Variants in DHX57 observed in about 807,000 individuals in gnomAD.
DHX57 encodes the protein putative ATP-dependent RNA helicase DHX57.
A neutral mutation model predicts 156.2 loss-of-function variants in DHX57; 105 were observed. The ratio of observed to expected loss-of-function variants is 0.67; its 90% CI spans 0.57 to 0.79. The LOEUF (loss-of-function observed/expected upper bound fraction) is 0.79, where lower values mean the gene tolerates loss of function less well. DHX57 is among the 30% of genes least tolerant of loss of function. The pLI is 0.00. For synonymous variants in DHX57, 704 were observed against 595.6 expected (o/e 1.18, Z -2.65); for missense variants, 1,847 against 1,661.9 (o/e 1.11, Z -1.94).
At chr2:38,835,824 A>C (rs1671624624) in intron 13 of DHX57, among the ~76,000 whole-genome samples, 1 of 152,230 alleles carries the variant, frequency 6.6e-6, no homozygotes. Context: ...ATGACCTCAC[A>C]GGATTTATAA....
At chr2:38,822,536 T>A (rs1444457079) in intron 17 of DHX57, among the ~76,000 whole-genome samples, 2 of 151,906 alleles carry the variant, frequency 1.3e-5, no homozygotes, top group African/African-American at 4.8e-5. Context: ...TGGGACTACA[T>A]GTGCACATCA....
At chr2:38,815,457 C>T in intron 20 of DHX57, 64 bp downstream of exon 20, 8 of 1,599,730 alleles carry the variant, frequency 5.0e-6, no homozygotes, top group Middle Eastern at 1.7e-4. Context: ...ACAAGTGTTC[C>T]CAGGTTAAGA....
Position 38,812,582 on chromosome 2 carries a change from G to A in DHX57, c.3681+1239C>T, listed in dbSNP as rs115305403. Among the ~76,000 whole-genome samples the A allele has an allele frequency of 2.8e-3, 424 of 152,320 alleles. 3 individuals are homozygous for A. Among genetic ancestry groups the A allele is most frequent in the African/African-American group, 9.7e-3 (403 of 41,560 alleles). ...GAGTTTCGCTCTAGTCGCCTAGGCT[G>A]GAGTGCAATGGTATGATCTCGCCTC... On this transcript the variant is annotated intron_variant, in intron 21 of 23. Coordinates refer to ENST00000457308, the MANE Select transcript of DHX57 (RefSeq NM_198963.3).
intron 17 of DHX57, among the ~76,000 whole-genome samples, chr2:38,819,581 GCTAA>G (rs1670714341): frequency 6.6e-6 from 1 of 152,210 alleles, no homozygotes. Context: ...CAGTGGGTCA[GCTAA>G]TGAAAGGCAA....
Position 38,826,593 on chromosome 2 carries a change from G to T in DHX57, c.2736C>A (p.Ser912=). 6.2e-7 allele frequency: 1 copy of T among 1,614,084 alleles called. No individual in the cohort carries two copies. The highest frequency in any genetic ancestry group is 8.5e-7 in the Non-Finnish European group (1 of 1,180,010). The part of the protein sequence containing the change: ...PPAGVTKIII[S]TNIAETSITI... ...TTATGGATGTCTCAGCAATGTTGGT[G>T]GAAATTATAATCTTAGTTACTCCTG... The change falls in exon 15 of 24, where the codon TCC becomes TCA. Residue 912 remains serine (S), a synonymous_variant. Coordinates refer to ENST00000457308, the MANE Select transcript of DHX57 (RefSeq NM_198963.3).
intron 21 of DHX57, among the ~76,000 whole-genome samples, chr2:38,807,492 G>C (rs529540043): frequency 3.8e-4 from 57 of 151,922 alleles, no homozygotes; most frequent in Middle Eastern, 3.4e-3. Context: ...CTAGTAGCTG[G>C]GACTACAGGC....
intron 6 of DHX57, among the ~76,000 whole-genome samples, chr2:38,857,471 A>G (rs1335643933): frequency 6.6e-6 from 1 of 152,220 alleles, no homozygotes; most frequent in East Asian, 1.9e-4. Flanking sequence ...TAAACTTATC[A>G]CACTGATCAA....
Position 38,828,404 on chromosome 2 carries a change from C to T in DHX57, c.2575G>A (p.Glu859Lys). Residue 859 changes from glutamate (E) to lysine (K), a missense_variant, in exon 14 of 24, where the codon GAA becomes AAA. Coordinates refer to ENST00000457308, the MANE Select transcript of DHX57 (RefSeq NM_198963.3). ...AGCTGTTCATAAAGCATTTTGATTT[C>T]TGCTAGTCCTGGTAAAAATACAAGT... ...AILVFLPGLA[E>K]IKMLYEQLQS... The T allele has an allele frequency of 6.2e-7, 1 of 1,613,370 alleles. No homozygotes were observed. Among genetic ancestry groups the T allele is most frequent in the Non-Finnish European group, 8.5e-7 (1 of 1,179,680 alleles).
chr2:38,871,738 A>T (rs1157113949), intron 1 of DHX57, among the ~76,000 whole-genome samples: 3 of 144,196 alleles, frequency 2.1e-5, no homozygotes, highest in Non-Finnish European at 4.5e-5. Context: ...AGACAGTCTC[A>T]CTCTGTTGCC....
chr2:38,817,497 A>T (rs1670605093), intron 19 of DHX57, among the ~76,000 whole-genome samples: 1 of 146,342 alleles, frequency 6.8e-6, no homozygotes, highest in Non-Finnish European at 1.5e-5. Context: ...TGTATTTTTA[A>T]TAGAGATGGA....
chr2:38,841,885 C>T (rs1450298612), intron 12 of DHX57, among the ~76,000 whole-genome samples: 2 of 152,144 alleles, frequency 1.3e-5, no homozygotes, highest in East Asian at 1.9e-4. Flanking sequence ...ACATAAAAAG[C>T]TCAGCACAGG....
At position 38,815,613 on chromosome 2, in the gene DHX57, C is replaced by T. The variant is rs1670504000; in HGVS notation, c.3514G>A (p.Asp1172Asn). Residue 1172 changes from aspartate to asparagine, a missense_variant, in exon 20 of 24, where the codon GAT (aspartate) becomes AAT (asparagine). By Grantham distance (23) the Asp-to-Asn change is conservative. Coordinates refer to ENST00000457308, the MANE Select transcript of DHX57 (RefSeq NM_198963.3). ...AGCCCTTCCCTTGCAAACCCTATAT[C>T]CGATAACAGTTCCGTGAATTGTCGT... ...LKRQFTELLS[D>N]IGFAREGLRA... 1 of 1,614,156 alleles carries T rather than the reference C, an allele frequency of 6.2e-7. No homozygotes were observed. The highest frequency in any genetic ancestry group is 2.2e-5 in the East Asian group (1 of 44,882).
At position 38,848,295 on chromosome 2, in the gene DHX57, T is replaced by A. The variant is rs1262810702; in HGVS notation, c.2138A>T (p.Asn713Ile). The change falls in exon 10 of 24, where the codon AAT (asparagine) becomes ATT (isoleucine). Residue 713 changes from asparagine (N) to isoleucine (I), a missense_variant. By Grantham distance (149) the Asn-to-Ile change is moderately radical (BLOSUM62 -3). Transcript: ENST00000457308. ...TGGTATAGTAATAACGGGGCAGGAA[T>A]TAAAATAGTCTGAAAAAAGCTCAGC... ...LNAELFSDYF[N>I]SCPVITIPGR... 1 of 1,607,126 alleles carries A rather than the reference T, an allele frequency of 6.2e-7. No individual in the cohort carries two copies. Among genetic ancestry groups the A allele is most frequent in the African/African-American group, 1.3e-5 (1 of 74,658 alleles).
intron 13 of DHX57, among the ~76,000 whole-genome samples, chr2:38,832,665 C>G (rs1460922249): frequency 6.6e-6 from 1 of 151,566 alleles, no homozygotes; most frequent in African/African-American, 2.4e-5. Flanking sequence ...CCTGCCTCAG[C>G]CTCCCAAGTA....
intron 13 of DHX57, among the ~76,000 whole-genome samples, chr2:38,829,413 C>G (rs777078974): frequency 1.3e-5 from 2 of 151,990 alleles, no homozygotes; most frequent in Non-Finnish European, 2.9e-5. Flanking sequence ...TCCTGAGTAG[C>G]TGGGATTACA....
At chr2:38,811,266 G>C (rs1156796266) in intron 21 of DHX57, 4 of 516,454 alleles carry the variant, frequency 7.7e-6, no homozygotes, top group East Asian at 4.7e-5. Flanking sequence ...TTAATCTGGG[G>C]GGCCAGCGAG....
intron 20 of DHX57, among the ~76,000 whole-genome samples, chr2:38,814,448 A>G (rs1227549613): frequency 6.6e-6 from 1 of 152,210 alleles, no homozygotes; most frequent in Non-Finnish European, 1.5e-5. Flanking sequence ...AGCGTTACAA[A>G]GCCAGTGTTC....
rs779396477 is a variant in DHX57, at chr2:38,802,700, C to T, written c.4017+15G>A. 2 of 1,613,554 alleles carry T rather than the reference C, an allele frequency of 1.2e-6. No homozygotes were observed. Among genetic ancestry groups the T allele is most frequent in the Non-Finnish European group, 1.7e-6 (2 of 1,179,932 alleles). On this transcript the variant is annotated intron_variant, in intron 23 of 23. Transcript: ENST00000457308. ...ATGGCCTGAGCCTCATAAAACAGAC[C>T]AATTCTGCCTTTACCTGATGGGAAG... is the stretch of plus-strand genomic sequence containing the variant.
In DHX57 at chr2:38,863,160, A is replaced by G. The variant is rs1259034372; in HGVS notation, c.383+201T>C. The G allele has an allele frequency of 1.3e-5, 7 of 551,366 alleles. No individual in the cohort carries two copies. The East Asian group carries it at 1.8e-4, about 14-fold the overall frequency. 34.2% of individuals were successfully genotyped at this position (551,366 alleles called of 1,614,324 possible). A position where few individuals can be genotyped will look rare whatever the true frequency, so the allele number is the denominator to read the frequency against. On this transcript the variant is annotated intron_variant, in intron 3 of 23. Coordinates refer to ENST00000457308, the MANE Select transcript of DHX57 (RefSeq NM_198963.3). ...TGGAAAAAAATAAAGATAAAAAGGC[A>G]ATCCCATGGATGTTGCAAAACAAAC...
Sources: gnomAD v4.1 joint callset for allele counts (sites outside exome capture counted in the v4.1 genomes callset) on GRCh38, gnomAD v4.1.1 for gene constraint, MANE v1.5 for transcripts, NCBI Gene and HGNC (gene_info 2026-07-23, HGNC 2026-07-21) for gene names.